Variants in KITLG observed in about 807,000 individuals in gnomAD.
The protein encoded by KITLG is c-Kit ligand.
A neutral mutation model predicts 34.1 loss-of-function variants in KITLG; 13 were observed. The ratio of observed to expected loss-of-function variants is 0.38; its 90% CI spans 0.25 to 0.61. The LOEUF is 0.61. Among genes scored for constraint, KITLG ranks in the 20% least tolerant of loss-of-function variants. The pLI is 0.60. For synonymous variants in KITLG, 110 were observed against 104.0 expected, an observed-to-expected ratio of 1.06 and a Z score of -0.35; for missense variants, 292 against 318.9, an observed-to-expected ratio of 0.92 and a Z score of 0.64.
At chr12:88,570,308 T>C (rs1871603787) in intron 1 of KITLG, among the ~76,000 whole-genome samples, 1 of 152,044 alleles carries the variant, frequency 6.6e-6, no homozygotes, top group African/African-American at 2.4e-5. Context: ...ATTTGACTGC[T>C]GGGGAGATGG....
chr12:88,518,761 A>G lies in KITLG; in HGVS notation c.299T>C (p.Ile100Thr). ...CACTATATTCACAAGTTTGTCTATG[A>G]TGGAATAATTACTCAAGCCTTCAGA... ...NISEGLSNYS[I>T]IDKLVNIVDD... is the part of the protein sequence containing the mutation. The change falls in exon 4 of 10, where the codon ATC (isoleucine) becomes ACC (threonine). Residue 100 changes from isoleucine (I) to threonine (T), a missense_variant. Coordinates refer to ENST00000644744, the MANE Select transcript of KITLG (RefSeq NM_000899.5). 6.2e-7 allele frequency: 1 copy of G among 1,613,382 alleles called. No individual in the cohort carries two copies. The highest frequency in any genetic ancestry group is 8.5e-7 in the Non-Finnish European group (1 of 1,179,436).
intron 1 of KITLG, among the ~76,000 whole-genome samples, chr12:88,565,792 A>G (rs895577468): frequency 1.3e-5 from 2 of 152,212 alleles, no homozygotes; most frequent in Non-Finnish European, 2.9e-5. Context: ...CTCCTCTTGT[A>G]TCAAATGGAA....
At chr12:88,553,348 A>G (rs952173760) in intron 1 of KITLG, among the ~76,000 whole-genome samples, 1 of 152,236 alleles carries the variant, frequency 6.6e-6, no homozygotes, top group African/African-American at 2.4e-5. Context: ...ACACGCTCAC[A>G]CACACCCTAA....
At chr12:88,549,669 G>C (rs533447708) in intron 1 of KITLG, among the ~76,000 whole-genome samples, 66 of 152,288 alleles carry the variant, frequency 4.3e-4, no homozygotes, top group Non-Finnish European at 7.5e-4. Flanking sequence ...AGATATTCTA[G>C]TGATAATGCC....
chr12:88,579,575 C>T (rs377354250), intron 1 of KITLG, among the ~76,000 whole-genome samples: 4 of 152,152 alleles, frequency 2.6e-5, no homozygotes, highest in Admixed American at 6.5e-5. Flanking sequence ...TTCAGAGGTG[C>T]CTATTTTATA....
chr12:88,580,216 G>T (rs1310901135), intron 1 of KITLG, 48 bp downstream of exon 1: 2 of 1,585,354 alleles, frequency 1.3e-6, no homozygotes, highest in Non-Finnish European at 8.6e-7. Flanking sequence ...GGCACCGGGC[G>T]CGATTTTTCC....
intron 1 of KITLG, 42 bp from the exon 2 acceptor site, chr12:88,545,907 G>T: frequency 8.5e-7 from 1 of 1,183,008 alleles, no homozygotes; most frequent in Non-Finnish European, 1.3e-6. Flanking sequence ...CATCAGTTAA[G>T]ATCTGTAATC....
intron 1 of KITLG, among the ~76,000 whole-genome samples, chr12:88,574,080 A>T (rs4842634): frequency 0.092 from 13,690 of 149,358 alleles, 641 homozygotes; most frequent in Non-Finnish European, 0.11. Context: ...TTTTTTTTTT[A>T]AATTTTCTAG....
intron 1 of KITLG, among the ~76,000 whole-genome samples, chr12:88,554,915 A>T (rs1159528441): frequency 6.6e-6 from 1 of 152,224 alleles, no homozygotes; most frequent in Admixed American, 6.5e-5. Flanking sequence ...AGATGTTACC[A>T]GAGTAACTAA....
Position 88,580,450 on chromosome 12 carries a change from G to T in KITLG, c.-172C>A. 1.3e-6 allele frequency: 1 copy of T among 782,992 alleles called. No homozygotes were observed. Among genetic ancestry groups the T allele is most frequent in the South Asian group, 1.7e-5 (1 of 58,226 alleles). 48.5% of individuals were successfully genotyped at this position (782,992 alleles called of 1,614,324 possible). A position where few individuals can be genotyped will look rare whatever the true frequency, so the allele number is the denominator to read the frequency against. On this transcript the variant is annotated 5_prime_UTR_variant, in exon 1 of 10. Transcript: ENST00000644744. ...TGCTTCCCGCAGCGCTTCTAGTCTC[G>T]GCGCGAGGCGGCGAGCGAAGCCCGG... is the stretch of plus-strand genomic sequence containing the variant.
intron 1 of KITLG, among the ~76,000 whole-genome samples, chr12:88,570,127 C>A (rs183340517): frequency 1.3e-5 from 2 of 152,290 alleles, no homozygotes; most frequent in East Asian, 1.9e-4. Flanking sequence ...TGAAACATAA[C>A]TTTAAAATAT....
At chr12:88,508,676 A>G (rs1161720679) in intron 6 of KITLG, among the ~76,000 whole-genome samples, 1 of 151,954 alleles carries the variant, frequency 6.6e-6, no homozygotes, top group Admixed American at 6.6e-5. Flanking sequence ...TCACATAACC[A>G]TGAATATCCT....
chr12:88,571,328 A>AT (rs1401610156), intron 1 of KITLG, among the ~76,000 whole-genome samples: 2 of 152,178 alleles, frequency 1.3e-5, no homozygotes, highest in East Asian at 3.8e-4. Flanking sequence ...TTCTGTGCCC[A>AT]TTTTAAATAT....
chr12:88,498,599 G>A (rs1362077190), intron 9 of KITLG, among the ~76,000 whole-genome samples: 4 of 152,174 alleles, frequency 2.6e-5, no homozygotes, highest in Admixed American at 2.6e-4. Flanking sequence ...TATAGGACAG[G>A]CATGGTGGCT....
intron 1 of KITLG, among the ~76,000 whole-genome samples, chr12:88,579,663 A>G (rs898456919): frequency 3.9e-5 from 6 of 151,988 alleles, no homozygotes; most frequent in Non-Finnish European, 5.9e-5. Flanking sequence ...GCCCACACAG[A>G]GCTGCAAACT....
rs1868464996 is a variant in KITLG, at chr12:88,492,921, AC to A, written c.*4297del. ...TTTAAAAAGTACACATACAGTATAT[AC>A]ACATACACATCACATTTTACAACCT... On this transcript the variant is annotated 3_prime_UTR_variant, in exon 10 of 10. Coordinates refer to ENST00000644744, the MANE Select transcript of KITLG (RefSeq NM_000899.5). 1 of 152,392 alleles carries A rather than the reference AC, an allele frequency of 6.6e-6. No homozygotes were observed. The highest frequency in any genetic ancestry group is 6.6e-5 in the Admixed American group (1 of 15,196). The allele number at this position is 152,392 out of a possible 1,614,324, so 9.4% of individuals were successfully genotyped here. A position where few individuals can be genotyped will look rare whatever the true frequency, so the allele number is the denominator to read the frequency against.
At chr12:88,570,419 C>G (rs1417873325) in intron 1 of KITLG, among the ~76,000 whole-genome samples, 2 of 152,004 alleles carry the variant, frequency 1.3e-5, no homozygotes, top group Non-Finnish European at 2.9e-5. Flanking sequence ...AGTGTGGGGT[C>G]AGAAGCAACT....
intron 1 of KITLG, among the ~76,000 whole-genome samples, chr12:88,560,714 A>G (rs1871267046): frequency 6.6e-6 from 1 of 152,218 alleles, no homozygotes; most frequent in South Asian, 2.1e-4. Flanking sequence ...TCACGCCTGT[A>G]ATCCCAGCAC....
At chr12:88,564,810 C>A (rs894972901) in intron 1 of KITLG, among the ~76,000 whole-genome samples, 9 of 151,466 alleles carry the variant, frequency 5.9e-5, no homozygotes, top group African/African-American at 2.2e-4. Flanking sequence ...ATTTTTTAAA[C>A]TTGGCATCAA....
Sources: gnomAD v4.1 joint callset for allele counts (sites outside exome capture counted in the v4.1 genomes callset) on GRCh38, gnomAD v4.1.1 for gene constraint, MANE v1.5 for transcripts, NCBI Gene and HGNC (gene_info 2026-07-23, HGNC 2026-07-21) for gene names.